The following LURAP1L variants were observed in gnomAD, a reference collection of about 807,000 sequenced individuals.
The protein encoded by LURAP1L is leucine rich adaptor protein 1-like.
Under a neutral mutation model 13.8 loss-of-function variants are expected in LURAP1L, and 12 were observed. The ratio of observed to expected loss-of-function variants is 0.87; its 90% confidence interval spans 0.56 to 1.41. The LOEUF (loss-of-function observed/expected upper bound fraction) is 1.41. Among genes scored for constraint, LURAP1L ranks in the 40% most tolerant of loss-of-function variants. The pLI is 0.00. For missense variants in LURAP1L, 375 were observed against 292.9 expected, an observed-to-expected ratio of 1.28 and a Z score of -2.04; for synonymous variants, 139 against 119.2, an observed-to-expected ratio of 1.17 and a Z score of -1.08.
At chr9:12,784,454 G>GGTA (rs1428968949) in intron 1 of LURAP1L, among the ~76,000 whole-genome samples, 2 of 152,162 alleles carry the variant, frequency 1.3e-5, no homozygotes, top group African/African-American at 2.4e-5. Context: ...GACTAACAGA[G>GGTA]GTAGCACTTT....
chr9:12,808,433 C>G (rs1035585110), intron 1 of LURAP1L, among the ~76,000 whole-genome samples: 7 of 152,114 alleles, frequency 4.6e-5, no homozygotes, highest in African/African-American at 1.7e-4. Context: ...ACTATCACCA[C>G]CATCCACCCC....
chr9:12,782,061 G>T (rs1016544179), intron 1 of LURAP1L, among the ~76,000 whole-genome samples: 1 of 152,192 alleles, frequency 6.6e-6, no homozygotes. Flanking sequence ...TGTCTTTTGA[G>T]AAATGTCTAT....
chr9:12,810,029 T>G (rs1265844600), intron 1 of LURAP1L, among the ~76,000 whole-genome samples: 1 of 152,138 alleles, frequency 6.6e-6, no homozygotes, highest in Non-Finnish European at 1.5e-5. Context: ...AGTTGGATAT[T>G]TTGTTGATCA....
At chr9:12,781,454 C>T (rs1468817721) in intron 1 of LURAP1L, among the ~76,000 whole-genome samples, 2 of 152,146 alleles carry the variant, frequency 1.3e-5, no homozygotes, top group African/African-American at 4.8e-5. Flanking sequence ...TTCCTAGCTC[C>T]ATGAGTTCAA....
At chr9:12,779,753 G>A (rs1351880770) in intron 1 of LURAP1L, among the ~76,000 whole-genome samples, 1 of 152,086 alleles carries the variant, frequency 6.6e-6, no homozygotes, top group Non-Finnish European at 1.5e-5. Flanking sequence ...TGCTCATGTG[G>A]ACACCTAGGA....
chr9:12,818,656 G>A (rs751937512), intron 1 of LURAP1L, among the ~76,000 whole-genome samples: 33 of 152,186 alleles, frequency 2.2e-4, no homozygotes, highest in Non-Finnish European at 4.4e-4. Flanking sequence ...AGTGCTTGAC[G>A]AGAGAAGTAT....
chr9:12,807,107 A>C (rs578249914), intron 1 of LURAP1L, among the ~76,000 whole-genome samples: 5 of 137,790 alleles, frequency 3.6e-5, no homozygotes, highest in Non-Finnish European at 6.2e-5. Context: ...ATATATATAT[A>C]TATATATATA....
At chr9:12,779,046 G>A (rs918973006) in intron 1 of LURAP1L, among the ~76,000 whole-genome samples, 1 of 152,052 alleles carries the variant, frequency 6.6e-6, no homozygotes, top group Admixed American at 6.6e-5. Flanking sequence ...ATAAAACAGT[G>A]TATTGCTATG....
intron 1 of LURAP1L, 69 bp from the exon 2 acceptor site, chr9:12,821,317 C>G (rs1388166575): frequency 2.0e-6 from 3 of 1,505,956 alleles, no homozygotes; most frequent in Non-Finnish European, 2.7e-6. Context: ...CAGACAGTCC[C>G]CAGATGAATT....
At chr9:12,820,457 T>C (rs947203453) in intron 1 of LURAP1L, among the ~76,000 whole-genome samples, 5 of 137,270 alleles carry the variant, frequency 3.6e-5, no homozygotes, top group Non-Finnish European at 6.1e-5. Context: ...GAGCCGAGAT[T>C]CCGCCACTGC....
chr9:12,814,508 T>C (rs548182653), intron 1 of LURAP1L, among the ~76,000 whole-genome samples: 7 of 152,314 alleles, frequency 4.6e-5, no homozygotes, highest in East Asian at 1.9e-4. Context: ...GGAAAAGGAA[T>C]TGACATCACA....
At chr9:12,805,162 G>T (rs913291220) in intron 1 of LURAP1L, among the ~76,000 whole-genome samples, 1 of 151,980 alleles carries the variant, frequency 6.6e-6, no homozygotes, top group African/African-American at 2.4e-5. Context: ...TGCTTCTGAG[G>T]CAGCATTTTT....
intron 1 of LURAP1L, among the ~76,000 whole-genome samples, chr9:12,795,366 G>C (rs1819498904): frequency 6.6e-6 from 1 of 151,966 alleles, no homozygotes; most frequent in South Asian, 2.1e-4. Flanking sequence ...AGTGTAAGAG[G>C]TCAGTATTGG....
chr9:12,776,707 G>C (rs1819190532), intron 1 of LURAP1L, among the ~76,000 whole-genome samples: 1 of 152,018 alleles, frequency 6.6e-6, no homozygotes. Context: ...CCAGGCCCAG[G>C]GATCTGCTAA....
intron 1 of LURAP1L, among the ~76,000 whole-genome samples, chr9:12,781,371 AAT>A (rs1819267828): frequency 1.3e-5 from 2 of 152,248 alleles, no homozygotes; most frequent in Non-Finnish European, 2.9e-5. Flanking sequence ...TAACTATATT[AAT>A]GTATCCATTA....
chr9:12,808,170 A>AT (rs886869791), intron 1 of LURAP1L, among the ~76,000 whole-genome samples: 22 of 151,498 alleles, frequency 1.5e-4, no homozygotes, highest in South Asian at 6.3e-4. Flanking sequence ...ATGCTCTTCC[A>AT]TTTTTTTTAA....
intron 1 of LURAP1L, among the ~76,000 whole-genome samples, chr9:12,802,000 G>A (rs1266359517): frequency 6.6e-6 from 1 of 152,146 alleles, no homozygotes. Context: ...TGTCACTCTG[G>A]ATTCAGGAGA....
At position 12,807,935 on chromosome 9, in the gene LURAP1L, C is replaced by T. The variant is rs140753836; in HGVS notation, c.313-13451C>T. Reference sequence around the variant, plus strand: ...AATATGTTTACAACCAATCTAAGTGCACTTTTAAGTAATATTATACCACAT... The same window carrying T: ...AATATGTTTACAACCAATCTAAGTGTACTTTTAAGTAATATTATACCACAT... On this transcript the variant is annotated intron_variant, in intron 1 of 1. Coordinates refer to ENST00000319264, the MANE Select transcript of LURAP1L (RefSeq NM_203403.2). Among the ~76,000 whole-genome samples, 103 of 152,144 alleles carry T rather than the reference C, an allele frequency of 6.8e-4. 2 individuals are homozygous for T. The East Asian group carries it at 0.016, about 23-fold the overall frequency.
chr9:12,818,087 T>A (rs967798812), intron 1 of LURAP1L, among the ~76,000 whole-genome samples: 2 of 151,258 alleles, frequency 1.3e-5, no homozygotes, highest in Non-Finnish European at 2.9e-5. Context: ...GTCGTTTTTT[T>A]CCCCAACAGT....
Sources: allele counts gnomAD v4.1 joint callset (sites outside exome capture counted in the v4.1 genomes callset), GRCh38; gene constraint gnomAD v4.1.1; transcripts MANE v1.5; gene names NCBI Gene and HGNC (gene_info 2026-07-23, HGNC 2026-07-21).